Variants in NFIA observed in about 807,000 individuals in gnomAD.
The protein encoded by NFIA is nuclear factor I A.
In NFIA, 8 loss-of-function variants were observed where a neutral mutation model predicts 62.8. The ratio of observed to expected loss-of-function variants is 0.13; its 90% CI spans 0.07 to 0.23. The LOEUF (loss-of-function observed/expected upper bound fraction) is 0.23, where lower values mean the gene tolerates loss of function less well. Ranked by LOEUF, NFIA falls within the 10% of genes least tolerant of loss-of-function variation. The pLI is 1.00. For synonymous variants in NFIA, 235 were observed against 238.1 expected (o/e 0.99, Z 0.12); for missense variants, 410 against 642.1 (o/e 0.64, Z 3.91).
chr1:61,292,357 G>A (rs1168165874), intron 3 of NFIA, among the ~76,000 whole-genome samples: 1 of 152,114 alleles, frequency 6.6e-6, no homozygotes, highest in African/African-American at 2.4e-5. Context: ...AATGAATCTT[G>A]TGTTCAGGAG....
At chr1:61,286,807 G>A (rs1163827396) in intron 3 of NFIA, among the ~76,000 whole-genome samples, 1 of 152,168 alleles carries the variant, frequency 6.6e-6, no homozygotes. Context: ...TATAAAGGGT[G>A]GTAAAGGAAG....
intron 7 of NFIA, among the ~76,000 whole-genome samples, chr1:61,384,658 A>G (rs1231090539): frequency 6.6e-6 from 1 of 152,116 alleles, no homozygotes; most frequent in Non-Finnish European, 1.5e-5. Context: ...GTAGTGGGGG[A>G]TCAGAGATAT....
chr1:61,304,472 A>G (rs886237224), intron 3 of NFIA, among the ~76,000 whole-genome samples: 28 of 152,312 alleles, frequency 1.8e-4, no homozygotes, highest in African/African-American at 6.5e-4. Flanking sequence ...CTTGCCCACA[A>G]CTTTGAGAAA....
At chr1:61,116,808 A>G (rs1646800513) in intron 2 of NFIA, among the ~76,000 whole-genome samples, 1 of 152,186 alleles carries the variant, frequency 6.6e-6, no homozygotes, top group Non-Finnish European at 1.5e-5. Context: ...ATTCTAAATG[A>G]GCATTTTGTT....
intron 10 of NFIA, among the ~76,000 whole-genome samples, chr1:61,446,632 C>T (rs933584557): frequency 6.6e-6 from 1 of 152,194 alleles, no homozygotes; most frequent in Non-Finnish European, 1.5e-5. Context: ...GTCTGAAGGG[C>T]TTCTTGGCTG....
At chr1:61,305,691 C>G (rs1295155775) in intron 3 of NFIA, among the ~76,000 whole-genome samples, 1 of 152,102 alleles carries the variant, frequency 6.6e-6, no homozygotes, top group Non-Finnish European at 1.5e-5. Context: ...CAGGGCTTGC[C>G]CTCTTGTTTA....
At chr1:61,138,334 G>T (rs532332119) in intron 2 of NFIA, among the ~76,000 whole-genome samples, 1 of 152,172 alleles carries the variant, frequency 6.6e-6, no homozygotes, top group East Asian at 1.9e-4. Flanking sequence ...AGACTCAAGT[G>T]ATGCTCCTGC....
At chr1:61,264,570 G>A (rs1657019088) in intron 2 of NFIA, among the ~76,000 whole-genome samples, 1 of 139,880 alleles carries the variant, frequency 7.1e-6, no homozygotes, top group Admixed American at 8.2e-5. Context: ...AGAATTGCCA[G>A]AACCCGGAAG....
chr1:61,144,006 G>A (rs992470964), intron 2 of NFIA, among the ~76,000 whole-genome samples: 1 of 152,142 alleles, frequency 6.6e-6, no homozygotes, highest in African/African-American at 2.4e-5. Context: ...CCGGTTATCT[G>A]TTTTTCAAAT....
chr1:61,347,705 G>T (rs1439823213), intron 4 of NFIA, among the ~76,000 whole-genome samples: 1 of 152,090 alleles, frequency 6.6e-6, no homozygotes, highest in Non-Finnish European at 1.5e-5. Flanking sequence ...AGCATGTTCG[G>T]CATTGCATTA....
At chr1:61,109,111 A>G (rs982064013) in intron 2 of NFIA, among the ~76,000 whole-genome samples, 7 of 151,810 alleles carry the variant, frequency 4.6e-5, no homozygotes, top group South Asian at 4.1e-4. Flanking sequence ...TCTGGTTTGC[A>G]TGGGTTTACT....
chr1:61,124,362 A>G (rs574717540), intron 2 of NFIA, among the ~76,000 whole-genome samples: 18 of 152,340 alleles, frequency 1.2e-4, no homozygotes, highest in African/African-American at 4.3e-4. Flanking sequence ...CAATGGAAAC[A>G]TACTGTGGTT....
chr1:61,457,921 A>T lies in NFIA; in HGVS notation c.*2601A>T, dbSNP rs1668375866. The T allele has an allele frequency of 6.6e-6, 1 of 152,162 alleles. No homozygotes were observed. Among genetic ancestry groups the T allele is most frequent in the South Asian group, 2.1e-4 (1 of 4,836 alleles). The allele number at this position is 152,162 out of a possible 1,614,324, so 9.4% of individuals were successfully genotyped here. A position where few individuals can be genotyped will look rare whatever the true frequency, so the allele number is the denominator to read the frequency against. On this transcript the variant is annotated 3_prime_UTR_variant, in exon 11 of 11. Transcript: ENST00000403491. The surrounding 1 kb of genome is among the most constrained non-coding windows in gnomAD (Gnocchi z 4.2). ...TGCAGTCAATCCACATTCAATAAAA[A>T]GTATATAATGCCCATTTTTATATGC...
At chr1:61,329,381 A>ATTT (rs58955783) in intron 3 of NFIA, among the ~76,000 whole-genome samples, 2 of 119,870 alleles carry the variant, frequency 1.7e-5, no homozygotes, top group Non-Finnish European at 3.5e-5. Flanking sequence ...TTTTAAAGTA[A>ATTT]TTTTTTTTTT....
intron 4 of NFIA, among the ~76,000 whole-genome samples, chr1:61,337,633 G>GAAAGAGACAAGAACC (rs1661682867): frequency 1.3e-5 from 2 of 152,148 alleles, no homozygotes; most frequent in African/African-American, 4.8e-5. Flanking sequence ...ATACTATGAG[G>GAAAGAGACAAGAACC]AAAGAGACAA....
chr1:61,363,786 A>G (rs1236288979), intron 6 of NFIA, among the ~76,000 whole-genome samples: 1 of 152,148 alleles, frequency 6.6e-6, no homozygotes, highest in African/African-American at 2.4e-5. Context: ...AAAGTAAACT[A>G]TCGTTTTCAT....
At chr1:61,185,492 AAGTT>A (rs1281594075) in intron 2 of NFIA, among the ~76,000 whole-genome samples, 24 of 152,254 alleles carry the variant, frequency 1.6e-4, no homozygotes, top group East Asian at 3.9e-4. Flanking sequence ...TATTTCAAAG[AAGTT>A]AGTTAGTTTA....
At chr1:61,278,652 G>A (rs1657956995) in intron 3 of NFIA, among the ~76,000 whole-genome samples, 1 of 152,196 alleles carries the variant, frequency 6.6e-6, no homozygotes, top group Admixed American at 6.5e-5. Flanking sequence ...TTCGGTCGTA[G>A]TGGCATGTGC....
At chr1:61,283,581 CAAAAA>C (rs576613886) in intron 3 of NFIA, among the ~76,000 whole-genome samples, 77 of 36,684 alleles carry the variant, frequency 2.1e-3, no homozygotes, top group South Asian at 0.011. Context: ...GACTCTGTCT[CAAAAA>C]AAAAAAAAAA....
Sources: gnomAD v4.1 joint callset for allele counts (sites outside exome capture counted in the v4.1 genomes callset) on GRCh38, gnomAD v4.1.1 for gene constraint, Gnocchi (gnomAD v3.1) non-coding constraint, MANE v1.5 for transcripts, NCBI Gene and HGNC (gene_info 2026-07-23, HGNC 2026-07-21) for gene names.